The following TBC1D31 variants were observed in gnomAD, a reference collection of about 807,000 sequenced individuals.
The protein encoded by TBC1D31 is TBC1 domain family member 31.
A neutral mutation model predicts 132.9 loss-of-function variants in TBC1D31; 99 were observed. The ratio of observed to expected loss-of-function variants is 0.74; its 90% CI spans 0.63 to 0.88. The LOEUF is 0.88. Among genes scored for constraint, TBC1D31 ranks in the 40% least tolerant of loss-of-function variants. The pLI, the probability that TBC1D31 is intolerant of heterozygous loss-of-function variation, is 0.00. For synonymous variants in TBC1D31, 385 were observed against 419.4 expected (o/e 0.92, Z 1.00); for missense variants, 1,134 against 1,256.6 (o/e 0.90, Z 1.48).
At chr8:123,130,363 A>C (rs1306770976) in intron 16 of TBC1D31, 30 bp downstream of exon 16, 1 of 1,586,986 alleles carries the variant, frequency 6.3e-7, no homozygotes, top group East Asian at 2.3e-5. Flanking sequence ...GTTCTCATAC[A>C]TCATCTCCAT....
chr8:123,090,617 A>C (rs979906621), intron 4 of TBC1D31, among the ~76,000 whole-genome samples: 1 of 152,148 alleles, frequency 6.6e-6, no homozygotes, highest in Non-Finnish European at 1.5e-5. Context: ...ACTTGCTAAT[A>C]TTAGTATCCT....
chr8:123,161,846 G>C, the TBC1D31 span, among the ~76,000 whole-genome samples: 3 of 151,600 alleles, frequency 2.0e-5, no homozygotes, highest in African/African-American at 7.3e-5. Context: ...GTGAAACCCC[G>C]TCTCTACTAA....
intron 11 of TBC1D31, among the ~76,000 whole-genome samples, chr8:123,122,831 C>G (rs1244805701): frequency 6.6e-6 from 1 of 152,106 alleles, no homozygotes; most frequent in Non-Finnish European, 1.5e-5. Context: ...ATTGATTTTT[C>G]TCTTCTAAAC....
intron 7 of TBC1D31, 53 bp from the exon 8 acceptor site, chr8:123,105,235 C>T (rs939933380): frequency 7.8e-7 from 1 of 1,289,806 alleles, no homozygotes; most frequent in Non-Finnish European, 1.0e-6. Context: ...ATTAACAGGC[C>T]TGTCTTCCAA....
intron 10 of TBC1D31, among the ~76,000 whole-genome samples, chr8:123,112,486 T>C (rs978362559): frequency 1.3e-5 from 2 of 152,236 alleles, no homozygotes; most frequent in East Asian, 1.9e-4. Context: ...AATGGTTGTA[T>C]ACTATTACAC....
chr8:123,138,205 T>C (rs906448914), intron 17 of TBC1D31, among the ~76,000 whole-genome samples: 22 of 152,236 alleles, frequency 1.4e-4, no homozygotes, highest in African/African-American at 4.6e-4. Context: ...CTTTTTAAAA[T>C]TCTTTTTCTA....
At chr8:123,124,914 G>A (rs1200334390) in intron 11 of TBC1D31, among the ~76,000 whole-genome samples, 1 of 144,082 alleles carries the variant, frequency 6.9e-6, no homozygotes. Flanking sequence ...TCCAGCCTGG[G>A]CCACAGAGTG....
chr8:123,156,726 C>T (rs1822999162), downstream of TBC1D31, among the ~76,000 whole-genome samples: 2 of 152,330 alleles, frequency 1.3e-5, no homozygotes, highest in South Asian at 4.1e-4. Context: ...CTCCCAGACC[C>T]TATCATGACC....
At chr8:123,140,443 G>C (rs1821536257) in intron 17 of TBC1D31, among the ~76,000 whole-genome samples, 1 of 152,184 alleles carries the variant, frequency 6.6e-6, no homozygotes, top group East Asian at 1.9e-4. Context: ...AGAGCTAGCT[G>C]TTCTTACCAA....
chr8:123,094,730 G>A (rs1464619098), intron 5 of TBC1D31, among the ~76,000 whole-genome samples: 2 of 149,910 alleles, frequency 1.3e-5, no homozygotes, highest in East Asian at 2.0e-4. Context: ...AGTAGAGACG[G>A]GGGTTTCACC....
chr8:123,105,441 A>T lies in TBC1D31; in HGVS notation c.1186A>T (p.Thr396Ser), dbSNP rs1343148886. ...AACTAGAATATTAAAACAAGACCTG[A>T]CTGGTGATTTTGAAAGTAAAAAGGT... ...MQTRILKQDL[T>S]GDFESKKNEL... Residue 396 changes from threonine to serine, a missense_variant, in exon 8 of 22, where the codon ACT (threonine) becomes TCT (serine). Coordinates refer to ENST00000287380, the MANE Select transcript of TBC1D31 (RefSeq NM_145647.4). The T allele has an allele frequency of 6.2e-7, 1 of 1,610,138 alleles. No homozygotes were observed. Among genetic ancestry groups the T allele is most frequent in the South Asian group, 1.1e-5 (1 of 90,232 alleles).
rs1391287541 is a variant in TBC1D31 at position 123,093,733 on chromosome 8, C to T, written c.662C>T (p.Ala221Val). Residue 221 changes from alanine (A) to valine (V), a missense_variant, in exon 5 of 22, where the codon GCT becomes GTT. Ala to Val is a moderately conservative substitution (Grantham distance 64). Coordinates refer to ENST00000287380, the MANE Select transcript of TBC1D31 (RefSeq NM_145647.4). ...TCTAGTATATTATACAAAGTGTTTG[C>T]TGTAACCAGGTAATGTGCATTTTAA... is the stretch of plus-strand genomic sequence containing the variant. ...ESSSILYKVF[A>V]VTRDGRILAA... 1 of 1,579,950 alleles carries T rather than the reference C, an allele frequency of 6.3e-7. No individual in the cohort carries two copies. The highest frequency in any genetic ancestry group is 1.7e-5 in the Admixed American group (1 of 58,660).
chr8:123,092,788 TAC>T (rs1449696862), intron 4 of TBC1D31, among the ~76,000 whole-genome samples: 1 of 144,936 alleles, frequency 6.9e-6, no homozygotes, highest in African/African-American at 2.6e-5. Context: ...TAGCTGGGAC[TAC>T]AGGCACACAC....
intron 8 of TBC1D31, among the ~76,000 whole-genome samples, chr8:123,108,035 C>G (rs562437597): frequency 3.7e-3 from 558 of 152,288 alleles, no homozygotes; most frequent in Non-Finnish European, 5.5e-3. Context: ...TCTAGTTGCC[C>G]TCTATACCTT....
Position 123,120,109 on chromosome 8 carries a change from T to G in TBC1D31, c.1491T>G (p.Leu497=). Residue 497 remains leucine (L), a synonymous_variant, in exon 11 of 22, where the codon CTT becomes CTG. Coordinates refer to ENST00000287380, the MANE Select transcript of TBC1D31 (RefSeq NM_145647.4). ...TCATTTTTAGTGACACACCATATCTTCCACTCTTGGCATTTCCATTTGTAA... is the reference window on the plus strand; with the variant it reads ...TCATTTTTAGTGACACACCATATCTGCCACTCTTGGCATTTCCATTTGTAA... ...WSVIFSDTPY[L]PLLAFPFVKL... 1 of 1,611,292 alleles carries G rather than the reference T, an allele frequency of 6.2e-7. No homozygotes were observed. The highest frequency in any genetic ancestry group is 1.3e-5 in the African/African-American group (1 of 75,004).
At chr8:123,164,926 A>T in the TBC1D31 span, among the ~76,000 whole-genome samples, 2 of 152,222 alleles carry the variant, frequency 1.3e-5, no homozygotes, top group Non-Finnish European at 2.9e-5. Flanking sequence ...TTTTCCACTT[A>T]ACAGTAAGCT....
chr8:123,122,199 C>T (rs536789521), intron 11 of TBC1D31, among the ~76,000 whole-genome samples: 2 of 152,082 alleles, frequency 1.3e-5, no homozygotes, highest in South Asian at 4.2e-4. Context: ...GGTATATACC[C>T]AAAAGAATTG....
In TBC1D31 at chr8:123,092,808, A is replaced by ATTTTTTT. The variant is rs71573666; in HGVS notation, c.520-768_520-762dup. ...GGGACTACAGGCACACACCCGGCTA[A>ATTTTTTT]TTTTTTTTTTTTTTTTTTTTTGAGA... On this transcript the variant is annotated intron_variant, in intron 4 of 21. Transcript: ENST00000287380. Among the ~76,000 whole-genome samples the ATTTTTTT allele has an allele frequency of 9.7e-5, 10 of 103,528 alleles. 1 individual carries two copies. The highest frequency in any genetic ancestry group is 2.9e-4 in the African/African-American group (7 of 24,336). 67.9% of individuals were successfully genotyped at this position (103,528 alleles called of 152,430 possible). A position where few individuals can be genotyped will look rare whatever the true frequency, so the allele number is the denominator to read the frequency against.
At chr8:123,156,624 C>G (rs1221088923), downstream of TBC1D31, among the ~76,000 whole-genome samples, 1 of 152,056 alleles carries the variant, frequency 6.6e-6, no homozygotes, top group Non-Finnish European at 1.5e-5. Context: ...AGGTGAGGAC[C>G]GCAGTAGCAG....
Sources: allele counts gnomAD v4.1 joint callset (sites outside exome capture counted in the v4.1 genomes callset), GRCh38; gene constraint gnomAD v4.1.1; transcripts MANE v1.5; gene names NCBI Gene and HGNC (gene_info 2026-07-23, HGNC 2026-07-21).